The following PIK3CA variants were observed in gnomAD, a reference collection of about 807,000 sequenced individuals.
PIK3CA encodes phosphatidylinositol 4,5-bisphosphate 3-kinase catalytic subunit alpha isoform.
PIK3CA carries 27 observed loss-of-function variants against 138.2 expected under a neutral mutation model. The ratio of observed to expected loss-of-function variants is 0.20; its 90% CI spans 0.14 to 0.27. The LOEUF (loss-of-function observed/expected upper bound fraction) is 0.27, where lower values mean the gene tolerates loss of function less well. Ranked by LOEUF, PIK3CA falls within the 10% of genes least tolerant of loss-of-function variation. The pLI, the probability that PIK3CA is intolerant of heterozygous loss-of-function variation, is 1.00. For missense variants in PIK3CA, 544 were observed against 1,277.4 expected, an observed-to-expected ratio of 0.43 and a Z score of 8.75; for synonymous variants, 358 against 413.2, an observed-to-expected ratio of 0.87 and a Z score of 1.62.
intron 1 of PIK3CA, among the ~76,000 whole-genome samples, chr3:179,163,526 C>T (rs932170944): frequency 6.6e-6 from 1 of 152,080 alleles, no homozygotes; most frequent in African/African-American, 2.4e-5. Context: ...TCTCTCACCT[C>T]CTCTCCCCCC....
chr3:179,182,565 C>T (rs1167967466), intron 1 of PIK3CA, among the ~76,000 whole-genome samples: 3 of 151,894 alleles, frequency 2.0e-5, no homozygotes, highest in Non-Finnish European at 4.4e-5. Context: ...CCTAGCTACT[C>T]GTGAAGCTGA....
intron 20 of PIK3CA, chr3:179,233,338 C>T (rs1487964090): frequency 2.8e-5 from 11 of 398,064 alleles, no homozygotes; most frequent in Non-Finnish European, 4.4e-5. Context: ...TGATATTGGC[C>T]GTGGGTTTGT....
chr3:179,229,622 A>C (rs986230979), intron 18 of PIK3CA, among the ~76,000 whole-genome samples, 180 bp downstream of exon 18: 3 of 152,170 alleles, frequency 2.0e-5, no homozygotes, highest in African/African-American at 7.2e-5. Flanking sequence ...AATTACTTTT[A>C]ATTTGGTAAA....
At position 179,238,327 on chromosome 3, in the gene PIK3CA, A is replaced by C. The variant is rs1413903152; in HGVS notation, c.*3963A>C. On this transcript the variant is annotated 3_prime_UTR_variant, in exon 21 of 21. Transcript: ENST00000263967. Reference sequence around the variant, plus strand: ...TAAAATATAAACAATACCATTTTTAATTATTACATTAAAAATTGTAAATAT... The same window carrying C: ...TAAAATATAAACAATACCATTTTTACTTATTACATTAAAAATTGTAAATAT... 4.7e-6 allele frequency: 1 copy of C among 214,220 alleles called. No homozygotes were observed. The highest frequency in any genetic ancestry group is 9.4e-6 in the Non-Finnish European group (1 of 106,104). 13.3% of individuals were successfully genotyped at this position (214,220 alleles called of 1,614,324 possible). A position where few individuals can be genotyped will look rare whatever the true frequency, so the allele number is the denominator to read the frequency against.
chr3:179,204,661 T>A, intron 6 of PIK3CA, 73 bp downstream of exon 6: 1 of 746,596 alleles, frequency 1.3e-6, no homozygotes, highest in Non-Finnish European at 2.3e-6. Flanking sequence ...AAAAGTAGTA[T>A]ATTTTTTTAG....
chr3:179,210,454 G>A lies in PIK3CA; in HGVS notation c.1428G>A (p.Glu476=), dbSNP rs1576938610. ...PNKETPCLEL[E]FDWFSSVVKF... is the part of the protein sequence containing the mutation. ...AGGAAACTCCATGCTTAGAGTTGGAGTTTGACTGGTTCAGCAGTGTGGTAA... is the reference window on the plus strand; with the variant it reads ...AGGAAACTCCATGCTTAGAGTTGGAATTTGACTGGTTCAGCAGTGTGGTAA... Residue 476 remains glutamate, a synonymous_variant, in exon 9 of 21, where the codon GAG becomes GAA. Coordinates refer to ENST00000263967, the MANE Select transcript of PIK3CA (RefSeq NM_006218.4). The A allele has an allele frequency of 1.2e-6, 2 of 1,613,882 alleles. No homozygotes were observed. The highest frequency in any genetic ancestry group is 1.7e-6 in the Non-Finnish European group (2 of 1,179,900).
At chr3:179,171,464 A>C (rs1359454054) in intron 1 of PIK3CA, among the ~76,000 whole-genome samples, 1 of 152,156 alleles carries the variant, frequency 6.6e-6, no homozygotes, top group East Asian at 1.9e-4. Flanking sequence ...AAATCAAGGA[A>C]ATCAAAAGCT....
At position 179,189,457 on chromosome 3, in the gene PIK3CA, A is replaced by T. The variant is rs58278353; in HGVS notation, c.-76-9293A>T. Among the ~76,000 whole-genome samples, 851 of 152,244 alleles carry T rather than the reference A, an allele frequency of 5.6e-3. 24 individuals carry two copies. In the East Asian group the frequency reaches 0.096, roughly 17 times the overall value. On this transcript the variant is annotated intron_variant, in intron 1 of 20. Transcript: ENST00000263967. ...CCAAGTATTAATCTATACTTCATTA[A>T]TGGTTCTTTACCACATTTGATTCTG...
At chr3:179,223,358 T>C (rs1725011178) in intron 14 of PIK3CA, among the ~76,000 whole-genome samples, 1 of 152,230 alleles carries the variant, frequency 6.6e-6, no homozygotes, top group Admixed American at 6.5e-5. Flanking sequence ...TCCCAGCTAT[T>C]GCGTGATAAC....
chr3:179,210,618 G>A (rs2108401944), intron 9 of PIK3CA, 53 bp downstream of exon 9: 1 of 1,548,128 alleles, frequency 6.5e-7, no homozygotes, highest in Non-Finnish European at 8.9e-7. Flanking sequence ...GTGGATTTAG[G>A]TAGATACTTT....
Position 179,230,484 on chromosome 3 carries a change from G to A in PIK3CA, c.2936+108G>A. The A allele has an allele frequency of 1.0e-6, 1 of 965,888 alleles. No individual in the cohort carries two copies. The highest frequency in any genetic ancestry group is 1.5e-6 in the Non-Finnish European group (1 of 654,376). The allele number at this position is 965,888 out of a possible 1,614,324, so 59.8% of individuals were successfully genotyped here. On this transcript the variant is annotated intron_variant, in intron 20 of 20. Coordinates refer to ENST00000263967, the MANE Select transcript of PIK3CA (RefSeq NM_006218.4). The surrounding 1 kb of genome is among the most constrained non-coding windows in gnomAD (Gnocchi z 5.4). ...AAATAATAAATGTTGGCTGGGTGTG[G>A]TGGTTCATGCCTGTAATCCCAACTC...
intron 1 of PIK3CA, among the ~76,000 whole-genome samples, chr3:179,181,798 A>G (rs1410610823): frequency 6.6e-6 from 1 of 152,178 alleles, no homozygotes; most frequent in Admixed American, 6.5e-5. Flanking sequence ...TTCAAAGATT[A>G]TATTCTAGTT....
At position 179,219,618 on chromosome 3, in the gene PIK3CA, T is replaced by A. The variant is rs749558732; in HGVS notation, c.1794T>A (p.Ala598=). The A allele has an allele frequency of 6.3e-7, 1 of 1,591,788 alleles. No homozygotes were observed. Among genetic ancestry groups the A allele is most frequent in the East Asian group, 2.2e-5 (1 of 44,698 alleles). Residue 598 remains alanine (A), a synonymous_variant, in exon 12 of 21, where the codon GCT becomes GCA. Coordinates refer to ENST00000263967, the MANE Select transcript of PIK3CA (RefSeq NM_006218.4). This position sits in a 1 kb window ranked among gnomAD's most constrained non-coding sequence, Gnocchi z 4.2. ...GGCCTCCAATCAAACCTGAACAGGC[T>A]ATGGAACTTCTGGACTGTAATTACC... ...KDWPPIKPEQ[A]MELLDCNYPD...
intron 1 of PIK3CA, among the ~76,000 whole-genome samples, chr3:179,166,400 ATTAG>A (rs1415675965): frequency 3.3e-5 from 5 of 152,322 alleles, no homozygotes; most frequent in African/African-American, 9.6e-5. Context: ...AAGCTCACAT[ATTAG>A]TTTATGTTTT....
chr3:179,215,222 A>G (rs1724810281), intron 9 of PIK3CA, among the ~76,000 whole-genome samples: 1 of 152,190 alleles, frequency 6.6e-6, no homozygotes, highest in African/African-American at 2.4e-5. Context: ...TCTTTTCTGC[A>G]TATATATTTT....
chr3:179,207,837 T>C (rs954244157), intron 6 of PIK3CA, among the ~76,000 whole-genome samples: 1 of 152,126 alleles, frequency 6.6e-6, no homozygotes, highest in Non-Finnish European at 1.5e-5. Flanking sequence ...TTTTAAATCA[T>C]TGCGGACTTA....
At chr3:179,189,213 C>G (rs554702152) in intron 1 of PIK3CA, among the ~76,000 whole-genome samples, 267 of 149,218 alleles carry the variant, frequency 1.8e-3, no homozygotes, top group Non-Finnish European at 3.2e-3. Context: ...GACTCCATCT[C>G]AAAAAAAAAG....
intron 20 of PIK3CA, among the ~76,000 whole-genome samples, chr3:179,233,677 A>G (rs1396269073): frequency 1.3e-5 from 2 of 152,298 alleles, no homozygotes; most frequent in East Asian, 3.9e-4. Context: ...GTTTATTCAT[A>G]ACTTTTTTAC....
intron 1 of PIK3CA, among the ~76,000 whole-genome samples, chr3:179,181,781 GGT>G (rs1159367815): frequency 4.6e-5 from 7 of 152,018 alleles, no homozygotes; most frequent in Non-Finnish European, 1.0e-4. Flanking sequence ...GTATCAGCTA[GGT>G]GAAGTTCAAA....
Sources: allele counts gnomAD v4.1 joint callset (sites outside exome capture counted in the v4.1 genomes callset), GRCh38; gene constraint gnomAD v4.1.1; non-coding constraint Gnocchi (gnomAD v3.1); transcripts MANE v1.5; gene names NCBI Gene and HGNC (gene_info 2026-07-23, HGNC 2026-07-21).